Variants in NOL4 observed in about 807,000 individuals in gnomAD.
NOL4 encodes the protein nucleolar protein 4, also known as cancer/testis antigen 125.
A neutral mutation model predicts 75.9 loss-of-function variants in NOL4; 17 were observed. That is an observed-to-expected ratio of 0.22 (90% CI 0.15 to 0.34). NOL4 has a LOEUF of 0.34. Ranked by LOEUF, NOL4 falls within the 10% of genes least tolerant of loss-of-function variation. NOL4 has a pLI of 1.00. For synonymous variants in NOL4, 292 were observed against 289.9 expected, an observed-to-expected ratio of 1.01 and a Z score of -0.07; for missense variants, 614 against 793.5, an observed-to-expected ratio of 0.77 and a Z score of 2.72.
chr18:34,006,894 G>A (rs907048539), intron 6 of NOL4, among the ~76,000 whole-genome samples: 6 of 151,954 alleles, frequency 3.9e-5, no homozygotes, highest in Non-Finnish European at 7.4e-5. Context: ...AGCAATTAAT[G>A]TATGATGCTG....
chr18:34,141,914 AT>A (rs2081185294), intron 1 of NOL4, among the ~76,000 whole-genome samples: 1 of 152,064 alleles, frequency 6.6e-6, no homozygotes, highest in African/African-American at 2.4e-5. Flanking sequence ...GAATGGGAAA[AT>A]TTTTTGCAAT....
chr18:33,939,277 T>C (rs984851310), intron 9 of NOL4, among the ~76,000 whole-genome samples: 4 of 152,160 alleles, frequency 2.6e-5, no homozygotes, highest in Non-Finnish European at 1.5e-5. Flanking sequence ...TTTGGTTCCA[T>C]ATGAAATTTA....
chr18:34,216,217 A>G (rs2036878334), intron 1 of NOL4, among the ~76,000 whole-genome samples: 1 of 152,218 alleles, frequency 6.6e-6, no homozygotes, highest in South Asian at 2.1e-4. Context: ...TAGCAAAATA[A>G]TTTAATTTCA....
At chr18:34,139,384 C>A (rs1239141741) in intron 1 of NOL4, among the ~76,000 whole-genome samples, 15 of 152,164 alleles carry the variant, frequency 9.9e-5, no homozygotes, top group Non-Finnish European at 2.2e-4. Context: ...AGAGATTCAA[C>A]TTCTTCCTGG....
rs1421935482 is a variant in NOL4, at chr18:33,855,318, C to T, written c.1724-2283G>A. ...ATCCCATACTTGACTGGTTTGGCTT[C>T]ATTATCCCCAACAATATGATCTGAT... On this transcript the variant is annotated intron_variant, in intron 10 of 10. Transcript: ENST00000261592. Among the ~76,000 whole-genome samples the T allele has an allele frequency of 2.6e-5, 4 of 152,080 alleles. 1 individual carries two copies. The highest frequency in any genetic ancestry group is 5.9e-5 in the Non-Finnish European group (4 of 67,998).
intron 9 of NOL4, 54 bp downstream of exon 9, chr18:33,943,011 A>G (rs909288329): frequency 2.6e-6 from 3 of 1,165,516 alleles, no homozygotes; most frequent in Non-Finnish European, 2.6e-6. Context: ...ATCAAATTAA[A>G]TGAACTACAT....
chr18:34,191,562 T>C (rs1281006674), intron 1 of NOL4, among the ~76,000 whole-genome samples: 1 of 152,182 alleles, frequency 6.6e-6, no homozygotes, highest in African/African-American at 2.4e-5. Flanking sequence ...TATCTCTCTG[T>C]TGTTTGCAAT....
intron 1 of NOL4, among the ~76,000 whole-genome samples, chr18:34,198,731 G>A (rs1440919471): frequency 6.6e-6 from 1 of 151,746 alleles, no homozygotes; most frequent in Admixed American, 6.6e-5. Context: ...TTTTAGTAAA[G>A]GGCAGTCAAA....
At chr18:34,097,071 C>T (rs2078820922) in intron 4 of NOL4, among the ~76,000 whole-genome samples, 1 of 152,078 alleles carries the variant, frequency 6.6e-6, no homozygotes. Flanking sequence ...TTAACTTATC[C>T]ACATCCAATT....
chr18:34,019,039 T>G (rs931895321), intron 6 of NOL4, among the ~76,000 whole-genome samples: 10 of 152,082 alleles, frequency 6.6e-5, no homozygotes, highest in African/African-American at 2.4e-4. Context: ...CCCAGAGAGA[T>G]TCATACAAAT....
intron 1 of NOL4, among the ~76,000 whole-genome samples, chr18:34,177,389 T>G (rs959417121): frequency 2.0e-5 from 3 of 151,918 alleles, no homozygotes; most frequent in Non-Finnish European, 4.4e-5. Context: ...TATGTCAAAA[T>G]GTATCAAGTT....
intron 5 of NOL4, chr18:34,023,340 C>T (rs1351430180): frequency 2.2e-6 from 1 of 445,648 alleles, no homozygotes; most frequent in South Asian, 1.6e-5. Flanking sequence ...TCCCTCTCTC[C>T]CTAAAAGATA....
intron 4 of NOL4, among the ~76,000 whole-genome samples, chr18:34,095,342 T>C (rs557940256): frequency 3.3e-5 from 5 of 151,674 alleles, no homozygotes; most frequent in Non-Finnish European, 5.9e-5. Flanking sequence ...CAATGTGGAC[T>C]TGTTACTAGT....
intron 1 of NOL4, among the ~76,000 whole-genome samples, chr18:34,217,139 T>C: frequency 6.6e-6 from 1 of 152,160 alleles, no homozygotes; most frequent in East Asian, 1.9e-4. Context: ...TTCCTTTTCA[T>C]TTAACTTTTT....
intron 1 of NOL4, among the ~76,000 whole-genome samples, chr18:34,222,677 C>G (rs1165165354): frequency 6.6e-6 from 1 of 152,212 alleles, no homozygotes; most frequent in Non-Finnish European, 1.5e-5. Context: ...TGGCCCAGCC[C>G]GAGGACGCCA....
At position 34,199,246 on chromosome 18, in the gene NOL4, G is replaced by A. The variant is rs576683311; in HGVS notation, c.264+23744C>T. ...GGCTTCAGCTCTATGAAGGGATTTA[G>A]TTCAAACTTCATACCTTATGTGGTA... On this transcript the variant is annotated intron_variant, in intron 1 of 10. Coordinates refer to ENST00000261592, the MANE Select transcript of NOL4 (RefSeq NM_003787.5). Among the ~76,000 whole-genome samples, 7 of 148,250 alleles carry A rather than the reference G, an allele frequency of 4.7e-5. No individual in the cohort carries two copies. The East Asian group carries it at 1.5e-3, about 31-fold the overall frequency.
chr18:34,114,884 T>A (rs561936597), intron 2 of NOL4, among the ~76,000 whole-genome samples: 315 of 151,814 alleles, frequency 2.1e-3, no homozygotes, highest in African/African-American at 6.9e-3. Context: ...AAAAAAAAAA[T>A]TTCAAGAAAC....
chr18:34,124,905 C>CA (rs11332460), intron 2 of NOL4, among the ~76,000 whole-genome samples: 98 of 147,778 alleles, frequency 6.6e-4, no homozygotes, highest in Non-Finnish European at 8.1e-4. Context: ...AAAACTGTCT[C>CA]AAAAAAAAAA....
intron 5 of NOL4, among the ~76,000 whole-genome samples, chr18:34,083,115 C>A (rs1212969188): frequency 6.6e-6 from 1 of 152,114 alleles, no homozygotes; most frequent in Admixed American, 6.6e-5. Context: ...TATATATACA[C>A]ATACCCATAC....
Sources: gnomAD v4.1 joint callset for allele counts (sites outside exome capture counted in the v4.1 genomes callset) on GRCh38, gnomAD v4.1.1 for gene constraint, MANE v1.5 for transcripts, NCBI Gene and HGNC (gene_info 2026-07-23, HGNC 2026-07-21) for gene names.